The following ARHGEF3 variants were observed in gnomAD, a reference collection of about 807,000 sequenced individuals.
ARHGEF3 encodes the protein 59.8 kDA protein.
A neutral mutation model predicts 63.2 loss-of-function variants in ARHGEF3; 28 were observed. That is an observed-to-expected ratio of 0.44 (90% CI 0.33 to 0.61). ARHGEF3 has a LOEUF of 0.61. Among genes scored for constraint, ARHGEF3 ranks in the 20% least tolerant of loss-of-function variants. ARHGEF3 has a pLI of 0.03. For synonymous variants in ARHGEF3, 266 were observed against 254.2 expected (o/e 1.05, Z -0.44); for missense variants, 533 against 659.3 (o/e 0.81, Z 2.10).
intron 3 of ARHGEF3, among the ~76,000 whole-genome samples, chr3:56,957,899 C>A (rs1245551667): frequency 6.6e-6 from 1 of 152,172 alleles, no homozygotes; most frequent in African/African-American, 2.4e-5. Context: ...TAGCACACAG[C>A]AGGACCTCCA....
intron 1 of ARHGEF3, among the ~76,000 whole-genome samples, chr3:56,789,742 TAA>T (rs1658109948): frequency 6.6e-6 from 1 of 152,216 alleles, no homozygotes; most frequent in Non-Finnish European, 1.5e-5. Flanking sequence ...ATTTTTTACT[TAA>T]AAACTTATTG....
chr3:56,924,804 T>G (rs2042237069), intron 3 of ARHGEF3, among the ~76,000 whole-genome samples: 1 of 152,212 alleles, frequency 6.6e-6, no homozygotes, highest in South Asian at 2.1e-4. Context: ...TGTGCTGACC[T>G]CCTATCTCAT....
upstream of ARHGEF3, among the ~76,000 whole-genome samples, chr3:56,802,833 A>T (rs1010845435): frequency 1.2e-4 from 18 of 152,238 alleles, no homozygotes; most frequent in African/African-American, 4.3e-4. Flanking sequence ...AAAATAAAAA[A>T]TAACTGGAAA....
intron 1 of ARHGEF3, among the ~76,000 whole-genome samples, chr3:56,785,911 G>A (rs1559938089): frequency 6.6e-6 from 1 of 152,188 alleles, no homozygotes; most frequent in Non-Finnish European, 1.5e-5. Context: ...TTCTCTTGAT[G>A]TCTAGTTGGT....
chr3:56,763,618 GAAGA>G (rs1266505941), intron 2 of ARHGEF3, among the ~76,000 whole-genome samples: 1 of 152,234 alleles, frequency 6.6e-6, no homozygotes, highest in Middle Eastern at 3.2e-3. Context: ...TTAAGTGAGA[GAAGA>G]AAGATCCCAA....
chr3:56,900,323 AAAAACAAAAC>A (rs961055836), intron 3 of ARHGEF3, among the ~76,000 whole-genome samples: 2 of 152,198 alleles, frequency 1.3e-5, no homozygotes, highest in Non-Finnish European at 2.9e-5. Context: ...ATATTTTTGT[AAAAACAAAAC>A]AAAACAAAAC....
At chr3:57,046,430 T>C (rs1704457346) in intron 1 of ARHGEF3, among the ~76,000 whole-genome samples, 1 of 152,154 alleles carries the variant, frequency 6.6e-6, no homozygotes, top group African/African-American at 2.4e-5. Flanking sequence ...ACTCTCTGGC[T>C]CAATCTTAGC....
At chr3:56,891,035 T>C (rs1222587069) in intron 3 of ARHGEF3, among the ~76,000 whole-genome samples, 3 of 152,176 alleles carry the variant, frequency 2.0e-5, no homozygotes, top group African/African-American at 7.2e-5. Context: ...GATTTTGTGT[T>C]CTTGTACTTG....
At chr3:56,823,915 AT>A (rs1409427491) in intron 4 of ARHGEF3, among the ~76,000 whole-genome samples, 3 of 151,858 alleles carry the variant, frequency 2.0e-5, no homozygotes, top group Non-Finnish European at 4.4e-5. Context: ...GGGAGTAAGA[AT>A]ATGTTAGAGG....
intron 2 of ARHGEF3, among the ~76,000 whole-genome samples, chr3:56,982,562 C>A (rs946687717): frequency 6.6e-6 from 1 of 152,168 alleles, no homozygotes; most frequent in Admixed American, 6.5e-5. Flanking sequence ...ATCAGACCTA[C>A]CCTATGTCTT....
intron 1 of ARHGEF3, among the ~76,000 whole-genome samples, chr3:56,785,725 A>T (rs1321101302): frequency 6.6e-6 from 1 of 152,198 alleles, no homozygotes; most frequent in Non-Finnish European, 1.5e-5. Context: ...GGAAGGACAG[A>T]CTGTTCCAGC....
Position 57,073,881 on chromosome 3 carries a change from G to A in ARHGEF3, c.-28+5345C>T, listed in dbSNP as rs534997977. 1.7e-5 allele frequency: 28 copies of A among 1,614,206 alleles called. No individual in the cohort carries two copies. In the East Asian group the frequency reaches 3.3e-4, roughly 19 times the overall value. ...CCAGGGTCCAGGTGTCCTGCCAGGA[G>A]CAGCCTCTGCCCTCCCAGAGCTGAC... On this transcript the variant is annotated intron_variant, in intron 1 of 12. Transcript: ENST00000338458.
intron 3 of ARHGEF3, among the ~76,000 whole-genome samples, chr3:56,893,833 A>G (rs2041207119): frequency 9.5e-6 from 1 of 104,976 alleles, no homozygotes; most frequent in African/African-American, 7.2e-5. Flanking sequence ...AAAAAAAAAA[A>G]AAAAAAAAAA....
chr3:56,835,529 T>A (rs531205546), intron 4 of ARHGEF3, among the ~76,000 whole-genome samples: 109 of 152,304 alleles, frequency 7.2e-4, no homozygotes, highest in African/African-American at 2.5e-3. Context: ...GCATTAAAAT[T>A]AAATAATTAT....
chr3:57,038,496 G>A (rs1001859396), intron 1 of ARHGEF3, among the ~76,000 whole-genome samples: 1 of 152,046 alleles, frequency 6.6e-6, no homozygotes, highest in African/African-American at 2.4e-5. Context: ...AGGCTGGAGT[G>A]CAGTGATGTA....
At chr3:56,962,400 GCTT>G (rs1192121680) in intron 2 of ARHGEF3, among the ~76,000 whole-genome samples, 2 of 152,232 alleles carry the variant, frequency 1.3e-5, no homozygotes, top group Admixed American at 6.5e-5. Context: ...ACTCAGCTGA[GCTT>G]CTGAACAAGG....
intron 9 of ARHGEF3, among the ~76,000 whole-genome samples, chr3:56,730,367 A>T (rs949747396): frequency 1.1e-4 from 17 of 151,476 alleles, no homozygotes; most frequent in Admixed American, 5.9e-4. Context: ...AGTCCACAAT[A>T]TGGAAGACAT....
intron 2 of ARHGEF3, among the ~76,000 whole-genome samples, chr3:57,002,424 C>CTATATATATATATATATA (rs55778548): frequency 3.5e-4 from 22 of 62,774 alleles, no homozygotes; most frequent in South Asian, 5.5e-4. Context: ...GTTCTAAGCA[C>CTATATATATATATATATA]TATATATATA....
intron 4 of ARHGEF3, among the ~76,000 whole-genome samples, chr3:56,847,279 G>A (rs1282100795): frequency 2.0e-5 from 3 of 152,106 alleles, no homozygotes; most frequent in Non-Finnish European, 4.4e-5. Context: ...TTCTGTCTTG[G>A]AGCCAATTCA....
Sources: allele counts gnomAD v4.1 joint callset (sites outside exome capture counted in the v4.1 genomes callset), GRCh38; gene constraint gnomAD v4.1.1; transcripts MANE v1.5; gene names NCBI Gene and HGNC (gene_info 2026-07-23, HGNC 2026-07-21).